Variants in SYNPR observed in about 807,000 individuals in gnomAD.
SYNPR encodes synaptoporin.
A neutral mutation model predicts 32.9 loss-of-function variants in SYNPR; 23 were observed. The observed-to-expected ratio is 0.70, with a 90% CI of 0.50 to 0.99. The LOEUF (loss-of-function observed/expected upper bound fraction) is 0.99, where lower values mean the gene tolerates loss of function less well. Ranked by LOEUF, SYNPR falls within the 50% of genes least tolerant of loss-of-function variation. SYNPR has a pLI of 0.00. For synonymous variants in SYNPR, 146 were observed against 135.9 expected (o/e 1.07, Z -0.52); for missense variants, 318 against 349.3 (o/e 0.91, Z 0.71).
At chr3:63,482,813 C>T (rs1455347222) in intron 3 of SYNPR, among the ~76,000 whole-genome samples, 4 of 152,096 alleles carry the variant, frequency 2.6e-5, no homozygotes, top group Non-Finnish European at 4.4e-5. Context: ...TACCATTATC[C>T]ATGTACATAT....
In SYNPR at chr3:63,346,764, C is replaced by A. The variant is rs143234564; in HGVS notation, c.84+68022C>A. On this transcript the variant is annotated intron_variant, in intron 2 of 5. Coordinates refer to ENST00000478300, the MANE Select transcript of SYNPR (RefSeq NM_001130003.2). Reference sequence around the variant, plus strand: ...GGGATTACAGGCATGAGCCACCACACCCAGCTAATTTATTTGCCTCTCTTT... The same window carrying A: ...GGGATTACAGGCATGAGCCACCACAACCAGCTAATTTATTTGCCTCTCTTT... 1.1e-3 allele frequency among the ~76,000 whole-genome samples: 168 copies of A among 152,304 alleles called. 2 individuals carry two copies. In the East Asian group the frequency reaches 0.028, roughly 25 times the overall value.
intron 2 of SYNPR, among the ~76,000 whole-genome samples, chr3:63,371,750 T>A (rs1420301782): frequency 6.6e-6 from 1 of 152,228 alleles, no homozygotes; most frequent in Non-Finnish European, 1.5e-5. Context: ...GACCTCGGAC[T>A]CTAGCACAAC....
chr3:63,415,006 A>G (rs2088521103), intron 2 of SYNPR, among the ~76,000 whole-genome samples: 2 of 152,226 alleles, frequency 1.3e-5, no homozygotes. Flanking sequence ...ATTTTCAAGG[A>G]TTTTATGATC....
the SYNPR span, among the ~76,000 whole-genome samples, chr3:63,208,746 C>T: frequency 2.0e-5 from 3 of 152,154 alleles, no homozygotes; most frequent in South Asian, 2.1e-4. Context: ...CTGTAAGCTC[C>T]GTGAAGTCAG....
chr3:63,591,865 C>A (rs1037499864), intron 4 of SYNPR, among the ~76,000 whole-genome samples: 1 of 144,732 alleles, frequency 6.9e-6, no homozygotes, highest in Non-Finnish European at 1.5e-5. Context: ...CTAGATGACG[C>A]GTTAGTGGGT....
intron 2 of SYNPR, chr3:63,443,268 T>C (rs1228794917): frequency 4.2e-6 from 6 of 1,440,562 alleles, no homozygotes; most frequent in Non-Finnish European, 4.6e-6. Context: ...CTGAAGCTGC[T>C]ATCTGATTGG....
Position 63,487,824 on chromosome 3 carries a change from A to G in SYNPR, c.209+6868A>G, listed in dbSNP as rs560678470. On this transcript the variant is annotated intron_variant, in intron 3 of 5. Coordinates refer to ENST00000478300, the MANE Select transcript of SYNPR (RefSeq NM_001130003.2). ...CTTGGGAGGTTGGCATCGGTGGAGT[A>G]GGAGACTGAGGCTTAGTCTGATCTT... Among the ~76,000 whole-genome samples the G allele has an allele frequency of 3.3e-5, 5 of 152,286 alleles. No individual in the cohort carries two copies. The South Asian group carries it at 8.3e-4, about 25-fold the overall frequency.
At chr3:63,303,026 AT>A (rs912568717) in intron 2 of SYNPR, among the ~76,000 whole-genome samples, 1 of 152,042 alleles carries the variant, frequency 6.6e-6, no homozygotes, top group Non-Finnish European at 1.5e-5. Flanking sequence ...CTCCAAAAAA[AT>A]TAAATAAAAA....
chr3:63,500,539 C>T (rs1354642), intron 3 of SYNPR, among the ~76,000 whole-genome samples: 105,989 of 151,958 alleles, frequency 0.7, 37,999 homozygotes, highest in African/African-American at 0.87. Context: ...AGAAAAAGTA[C>T]TGAATATATG....
chr3:63,292,299 G>A (rs1168447068), intron 2 of SYNPR, among the ~76,000 whole-genome samples: 1 of 152,258 alleles, frequency 6.6e-6, no homozygotes, highest in African/African-American at 2.4e-5. Context: ...AGCATGTAAT[G>A]CTCAGATCAT....
intron 2 of SYNPR, among the ~76,000 whole-genome samples, chr3:63,412,615 G>A (rs1018275487): frequency 2.0e-5 from 3 of 152,082 alleles, no homozygotes; most frequent in Admixed American, 6.5e-5. Flanking sequence ...TGAGGCGCAG[G>A]GATGAGTTGT....
At chr3:63,418,825 A>G (rs899806130) in intron 2 of SYNPR, among the ~76,000 whole-genome samples, 1 of 152,158 alleles carries the variant, frequency 6.6e-6, no homozygotes, top group Admixed American at 6.5e-5. Flanking sequence ...TCTAGATAAG[A>G]TTTGGGTGGG....
upstream of SYNPR, among the ~76,000 whole-genome samples, chr3:63,227,570 T>C (rs2086137840): frequency 6.6e-6 from 1 of 152,136 alleles, no homozygotes. Context: ...TCACATTCCA[T>C]GTTATCAGGG....
intron 2 of SYNPR, among the ~76,000 whole-genome samples, chr3:63,266,548 CA>C (rs993942223): frequency 1.2e-4 from 18 of 150,142 alleles, no homozygotes; most frequent in East Asian, 7.8e-4. Context: ...ACTAAAAATA[CA>C]AAAAAAAATT....
intron 3 of SYNPR, among the ~76,000 whole-genome samples, chr3:63,542,484 G>A (rs577074969): frequency 2.0e-5 from 3 of 152,094 alleles, no homozygotes; most frequent in African/African-American, 4.8e-5. Context: ...GAGAGGTAAT[G>A]TTTATACTGA....
chr3:63,565,297 A>C (rs1186114665), intron 4 of SYNPR, among the ~76,000 whole-genome samples: 2 of 151,992 alleles, frequency 1.3e-5, no homozygotes, highest in Non-Finnish European at 2.9e-5. Context: ...AATACCTGAG[A>C]CTGGGTAATT....
At chr3:63,217,644 T>C in the SYNPR span, among the ~76,000 whole-genome samples, 1 of 150,810 alleles carries the variant, frequency 6.6e-6, no homozygotes, top group African/African-American at 2.4e-5. Context: ...GTACCTCAGA[T>C]GGAAATGCAG....
intron 4 of SYNPR, among the ~76,000 whole-genome samples, chr3:63,603,027 T>C (rs2106894930): frequency 6.6e-6 from 1 of 152,262 alleles, no homozygotes; most frequent in East Asian, 1.9e-4. Flanking sequence ...ATTTCAGCAG[T>C]GTTTTGTAAT....
chr3:63,360,026 C>T (rs1172320771), intron 2 of SYNPR, among the ~76,000 whole-genome samples: 2 of 152,152 alleles, frequency 1.3e-5, no homozygotes, highest in South Asian at 2.1e-4. Flanking sequence ...ACATCACAGC[C>T]ACTGCTTTTC....
Sources: allele counts gnomAD v4.1 joint callset (sites outside exome capture counted in the v4.1 genomes callset), GRCh38; gene constraint gnomAD v4.1.1; transcripts MANE v1.5; gene names NCBI Gene and HGNC (gene_info 2026-07-23, HGNC 2026-07-21).